LRP1B: variants seen among roughly 807,000 people sequenced by gnomAD.
LRP1B encodes the protein low-density lipoprotein receptor-related protein 1B.
Under a neutral mutation model 556.6 loss-of-function variants are expected in LRP1B, and 217 were observed. The observed-to-expected ratio is 0.39, with a 90% CI of 0.35 to 0.44. The LOEUF is 0.44. LRP1B is among the 20% of genes least tolerant of loss of function. The probability of loss-of-function intolerance (pLI) is 1.00; values close to 1 mark genes in which losing one functional copy is unlikely to be tolerated. For missense variants in LRP1B, 5,053 were observed against 5,620.8 expected (o/e 0.90, Z 3.23); for synonymous variants, 2,047 against 1,865.8 (o/e 1.10, Z -2.50).
intron 2 of LRP1B, among the ~76,000 whole-genome samples, chr2:141,716,896 T>C (rs542303078): frequency 1.6e-4 from 24 of 152,250 alleles, no homozygotes; most frequent in African/African-American, 4.8e-4. Flanking sequence ...TTTTGAACCT[T>C]TTTTTCCATA....
At chr2:141,854,437 AT>A (rs570845708) in intron 1 of LRP1B, among the ~76,000 whole-genome samples, 134 of 152,190 alleles carry the variant, frequency 8.8e-4, no homozygotes, top group Admixed American at 3.1e-3. Context: ...AATAAACGGC[AT>A]TGCAAAGTTT....
intron 68 of LRP1B, among the ~76,000 whole-genome samples, chr2:140,377,591 C>G (rs1438432103): frequency 2.0e-5 from 3 of 152,104 alleles, no homozygotes; most frequent in African/African-American, 7.2e-5. Flanking sequence ...GCATAAATAA[C>G]AAATTGTATG....
intron 1 of LRP1B, among the ~76,000 whole-genome samples, chr2:141,906,170 T>C (rs1042864463): frequency 6.6e-6 from 1 of 151,756 alleles, no homozygotes; most frequent in Non-Finnish European, 1.5e-5. Flanking sequence ...TAATGAAACA[T>C]ACAGAGCACT....
At chr2:141,812,968 T>C (rs1696407884) in intron 1 of LRP1B, among the ~76,000 whole-genome samples, 1 of 152,000 alleles carries the variant, frequency 6.6e-6, no homozygotes, top group Admixed American at 6.6e-5. Context: ...TGTGTACATG[T>C]GTCTGTGAGC....
At position 141,459,767 on chromosome 2, in the gene LRP1B, C is replaced by A. The variant is rs1278387266; in HGVS notation, c.343+20629G>T. Among the ~76,000 whole-genome samples, 8 of 152,212 alleles carry A rather than the reference C, an allele frequency of 5.3e-5. No homozygotes were observed. In the East Asian group the frequency reaches 9.7e-4, roughly 18 times the overall value. On this transcript the variant is annotated intron_variant, in intron 3 of 90. Transcript: ENST00000389484. ...TTCTGCCATGGTTGTGAGGCCTCCC[C>A]CGCCACATGGAACTGTGAGTCCATG... is the stretch of plus-strand genomic sequence containing the variant.
At chr2:140,527,767 A>T (rs929412471) in intron 47 of LRP1B, among the ~76,000 whole-genome samples, 1 of 151,988 alleles carries the variant, frequency 6.6e-6, no homozygotes, top group South Asian at 2.1e-4. Flanking sequence ...TTTCAATAGA[A>T]ATAGTAAATG....
chr2:141,194,451 G>A (rs1034681900), intron 6 of LRP1B, among the ~76,000 whole-genome samples: 1 of 152,006 alleles, frequency 6.6e-6, no homozygotes, highest in African/African-American at 2.4e-5. Context: ...CCTAAAAAAG[G>A]CAGCCTCAAC....
chr2:140,637,577 T>A (rs1684115759), intron 41 of LRP1B, among the ~76,000 whole-genome samples: 1 of 152,298 alleles, frequency 6.6e-6, no homozygotes, highest in Non-Finnish European at 1.5e-5. Context: ...AGTTCAATTT[T>A]TTTTTTCCTA....
Position 140,989,602 on chromosome 2 carries a change from G to T in LRP1B, c.2700C>A (p.Pro900=), listed in dbSNP as rs1270279030. ...QFKCQNNRCI[P]KRWLCDGAND... ...TAGCTCCATCACAAAGCCATCTCTTGGGGATGCAGCGATTATTCTGGCATT... is the reference window on the plus strand; with the variant it reads ...TAGCTCCATCACAAAGCCATCTCTTTGGGATGCAGCGATTATTCTGGCATT... Residue 900 remains proline, a synonymous_variant, in exon 17 of 91, where the codon CCC becomes CCA. Coordinates refer to ENST00000389484, the MANE Select transcript of LRP1B (RefSeq NM_018557.3). The T allele has an allele frequency of 6.2e-7, 1 of 1,613,164 alleles. No homozygotes were observed.
intron 2 of LRP1B, among the ~76,000 whole-genome samples, chr2:141,736,680 C>T (rs996471791): frequency 2.6e-5 from 4 of 152,124 alleles, no homozygotes; most frequent in Non-Finnish European, 5.9e-5. Flanking sequence ...GTGCCAACAG[C>T]AAGTCACTAC....
intron 41 of LRP1B, among the ~76,000 whole-genome samples, chr2:140,647,320 A>G (rs1024388507): frequency 5.9e-5 from 9 of 152,236 alleles, no homozygotes; most frequent in African/African-American, 2.2e-4. Context: ...GCTTTACATC[A>G]TCAGTGAACC....
At chr2:141,498,207 TAC>T (rs1237584570) in intron 2 of LRP1B, among the ~76,000 whole-genome samples, 1 of 151,908 alleles carries the variant, frequency 6.6e-6, no homozygotes, top group Non-Finnish European at 1.5e-5. Flanking sequence ...AGTGGAGTAA[TAC>T]ACATTTTTAA....
intron 1 of LRP1B, among the ~76,000 whole-genome samples, chr2:142,094,533 T>A (rs77132429): frequency 0.013 from 2,018 of 152,126 alleles, 21 homozygotes; most frequent in Non-Finnish European, 0.021. Flanking sequence ...GAATCAGTTC[T>A]ATAAACATAG....
At chr2:140,963,800 T>C (rs1437776653) in intron 18 of LRP1B, among the ~76,000 whole-genome samples, 1 of 152,090 alleles carries the variant, frequency 6.6e-6, no homozygotes, top group Non-Finnish European at 1.5e-5. Flanking sequence ...CTATTAAAAA[T>C]ACAAAAATTA....
rs1233641929 is a variant in LRP1B at position 140,704,008 on chromosome 2, T to C, written c.6024-1455A>G. 2.0e-5 allele frequency among the ~76,000 whole-genome samples: 3 copies of C among 152,302 alleles called. No homozygotes were observed. In the East Asian group the frequency reaches 5.8e-4, roughly 29 times the overall value. ...TTTGGTATAATGATGCATTTTCCTTTGGGTATATGCCCAGTAATGGGATTA... is the reference window on the plus strand; with the variant it reads ...TTTGGTATAATGATGCATTTTCCTTCGGGTATATGCCCAGTAATGGGATTA... On this transcript the variant is annotated intron_variant, in intron 37 of 90. Transcript: ENST00000389484.
At chr2:141,486,500 T>C (rs1683126793) in intron 2 of LRP1B, among the ~76,000 whole-genome samples, 1 of 152,088 alleles carries the variant, frequency 6.6e-6, no homozygotes, top group South Asian at 2.1e-4. Context: ...AGAGGGAAAT[T>C]TTTCTTCTAC....
chr2:141,740,091 T>C (rs1317775859), intron 2 of LRP1B, among the ~76,000 whole-genome samples: 4 of 152,128 alleles, frequency 2.6e-5, no homozygotes, highest in Non-Finnish European at 1.5e-5. Flanking sequence ...CTCAAAACCA[T>C]CATTGTTTCA....
chr2:141,452,672 T>C, intron 3 of LRP1B, among the ~76,000 whole-genome samples: 1 of 152,218 alleles, frequency 6.6e-6, no homozygotes, highest in Non-Finnish European at 1.5e-5. Context: ...ATGTTGTCCA[T>C]TATAGTTGTC....
rs76785559 is a variant in LRP1B at position 141,184,746 on chromosome 2, G to A, written c.1013+3675C>T. ...ATAGGTGCCTCAGCCAAAGTGCAGC[G>A]ATGGGTAAGAAAAAAGGTTCCCCTC... On this transcript the variant is annotated intron_variant, in intron 7 of 90. Coordinates refer to ENST00000389484, the MANE Select transcript of LRP1B (RefSeq NM_018557.3). Among the ~76,000 whole-genome samples, 910 of 150,476 alleles carry A rather than the reference G, an allele frequency of 6.0e-3. 10 individuals carry two copies. The highest frequency in any genetic ancestry group is 0.02 in the African/African-American group (833 of 40,974).
Sources: allele counts gnomAD v4.1 joint callset (sites outside exome capture counted in the v4.1 genomes callset), GRCh38; gene constraint gnomAD v4.1.1; transcripts MANE v1.5; gene names NCBI Gene and HGNC (gene_info 2026-07-23, HGNC 2026-07-21).